Variants in ATRX observed in about 807,000 individuals in gnomAD.
The protein encoded by ATRX is ATRX chromatin remodeler.
Under a neutral mutation model 172.6 loss-of-function variants are expected in ATRX, and 12 were observed. The ratio of observed to expected loss-of-function variants is 0.07; its 90% CI spans 0.04 to 0.11. The LOEUF is 0.11. Among genes scored for constraint, ATRX ranks in the 10% least tolerant of loss-of-function variants. ATRX has a pLI of 1.00. For synonymous variants in ATRX, 674 were observed against 594.7 expected (o/e 1.13, Z -1.94); for missense variants, 1,368 against 1,767.4 (o/e 0.77, Z 4.05).
At chrX:77,607,903 T>C (rs144787411) in intron 22 of ATRX, among the ~76,000 whole-genome samples, 1,229 of 109,890 alleles carry the variant, frequency 0.011, 17 homozygotes, top group African/African-American at 0.039. Flanking sequence ...ATGAAATAAA[T>C]ACCAATGATA....
At chrX:77,598,213 A>G (rs991631974) in intron 25 of ATRX, among the ~76,000 whole-genome samples, 1 of 111,162 alleles carries the variant, frequency 9.0e-6, no homozygotes, top group Non-Finnish European at 1.9e-5. Flanking sequence ...GTGTTCTTAC[A>G]TATAAGTAAG....
intron 15 of ATRX, among the ~76,000 whole-genome samples, chrX:77,649,164 GAAAGAAAGAA>G (rs1253313787): frequency 9.2e-6 from 1 of 109,177 alleles, no homozygotes; most frequent in Admixed American, 9.9e-5. Context: ...ACCCTATCTT[GAAAGAAAGAA>G]AAAGAAAGAA....
chrX:77,653,004 T>TAA (rs554448289), intron 14 of ATRX, among the ~76,000 whole-genome samples: 35 of 68,992 alleles, frequency 5.1e-4, no homozygotes, highest in African/African-American at 1.4e-3. Context: ...TGTTTCTTGT[T>TAA]AAAAAAAAAA....
chrX:77,730,979 G>C (rs782455790), intron 1 of ATRX, among the ~76,000 whole-genome samples: 1 of 108,525 alleles, frequency 9.2e-6, no homozygotes, highest in Admixed American at 1.0e-4. Flanking sequence ...AAAGATCAGA[G>C]TGAAGCAAAC....
chrX:77,727,510 G>T (rs2148798414), intron 1 of ATRX, among the ~76,000 whole-genome samples: 1 of 111,451 alleles, frequency 9.0e-6, no homozygotes, highest in Non-Finnish European at 1.9e-5. Flanking sequence ...ATAAAAAAAG[G>T]ATCAGTTCAT....
At position 77,533,034 on chromosome X, in the gene ATRX, A is replaced by G. The variant is rs782056006; in HGVS notation, c.6700-9633T>C. Reference sequence around the variant, plus strand: ...CACACTTGTAGCCTATAAACATATGAAAAAAAGCTCATCATCACTGATCGT... The same window carrying G: ...CACACTTGTAGCCTATAAACATATGGAAAAAAGCTCATCATCACTGATCGT... On this transcript the variant is annotated intron_variant, in intron 30 of 34. Transcript: ENST00000373344. Among the ~76,000 whole-genome samples, 6 of 112,637 alleles carry G rather than the reference A, an allele frequency of 5.3e-5. No individual in the cohort carries two copies. In the East Asian group the frequency reaches 1.7e-3, roughly 31 times the overall value.
intron 34 of ATRX, among the ~76,000 whole-genome samples, chrX:77,519,739 C>T (rs1350593459): frequency 8.1e-5 from 9 of 111,541 alleles, no homozygotes; most frequent in African/African-American, 2.6e-4. Context: ...CTATGGAGAA[C>T]GGTTTGGAGG....
chrX:77,659,851 T>C (rs1449613616), intron 12 of ATRX, among the ~76,000 whole-genome samples: 1 of 111,566 alleles, frequency 9.0e-6, no homozygotes, highest in African/African-American at 3.3e-5. Context: ...CAATTCAAAT[T>C]TCCAAATAAT....
At chrX:77,757,748 T>A (rs1342166310) in intron 1 of ATRX, among the ~76,000 whole-genome samples, 2 of 107,998 alleles carry the variant, frequency 1.9e-5, no homozygotes, top group Non-Finnish European at 3.8e-5. Flanking sequence ...CTCAGCTCAC[T>A]GCAACCTCCA....
chrX:77,665,187 C>T (rs2070165555), intron 10 of ATRX, among the ~76,000 whole-genome samples: 1 of 112,026 alleles, frequency 8.9e-6, no homozygotes, highest in Non-Finnish European at 1.9e-5. Flanking sequence ...TAAAACTCCA[C>T]GAGAGGTTTT....
intron 19 of ATRX, among the ~76,000 whole-genome samples, chrX:77,621,875 A>C: frequency 9.5e-6 from 1 of 104,828 alleles, no homozygotes; most frequent in South Asian, 4.0e-4. Context: ...ACAAAAAAAA[A>C]CTAATATTTT....
At chrX:77,640,897 T>C (rs2068621656) in intron 15 of ATRX, among the ~76,000 whole-genome samples, 1 of 111,314 alleles carries the variant, frequency 9.0e-6, no homozygotes, top group African/African-American at 3.3e-5. Context: ...AGTGAAACTT[T>C]GTGAGGCCAG....
At chrX:77,718,160 AT>A (rs1158282180) in intron 1 of ATRX, among the ~76,000 whole-genome samples, 4 of 110,413 alleles carry the variant, frequency 3.6e-5, no homozygotes, top group Non-Finnish European at 7.5e-5. Context: ...ATTTAAAAAA[AT>A]AATTCAGTAA....
intron 30 of ATRX, among the ~76,000 whole-genome samples, chrX:77,543,093 A>G (rs2064077311): frequency 8.9e-6 from 1 of 112,305 alleles, no homozygotes; most frequent in African/African-American, 3.2e-5. Flanking sequence ...CGGAATCTAC[A>G]AAGAATTTAA....
At position 77,716,126 on chromosome X, in the gene ATRX, TTTTTTTTTTTTTTTTTTTTG is replaced by T. The variant is rs1236005234; in HGVS notation, c.133+985_133+1004del. Among the ~76,000 whole-genome samples, 215 of 24,992 alleles carry T rather than the reference TTTTTTTTTTTTTTTTTTTTG, an allele frequency of 8.6e-3. 3 individuals are homozygous for T. Among genetic ancestry groups the T allele is most frequent in the Admixed American group, 0.019 (26 of 1,347 alleles). 21.7% of individuals were successfully genotyped at this position (24,992 alleles called of 115,157 possible). A position where few individuals can be genotyped will look rare whatever the true frequency, so the allele number is the denominator to read the frequency against. ...TCTCTAAAAATTTTTTTTTTTTTTT[TTTTTTTTTTTTTTTTTTTTG>T]AAATTAACCAGGCATGGTGGCACAC... On this transcript the variant is annotated intron_variant, in intron 2 of 34. Coordinates refer to ENST00000373344, the MANE Select transcript of ATRX (RefSeq NM_000489.6).
chrX:77,707,955 T>A (rs901444704), intron 2 of ATRX, among the ~76,000 whole-genome samples: 6 of 112,105 alleles, frequency 5.4e-5, no homozygotes, highest in African/African-American at 2.0e-4. Context: ...CGTGAAGAAC[T>A]CACAATCTTT....
Position 77,746,110 on chromosome X carries a change from G to A in ATRX, c.21-28867C>T, listed in dbSNP as rs185582873. Among the ~76,000 whole-genome samples the A allele has an allele frequency of 3.0e-3, 330 of 111,141 alleles. 5 individuals carry two copies. Among genetic ancestry groups the A allele is most frequent in the Non-Finnish European group, 3.5e-3 (185 of 53,051 alleles). ...TGCTGAAAAATGTGTACACATGGACGTAGAGCATGGAATGATAGATAACAG... is the reference window on the plus strand; with the variant it reads ...TGCTGAAAAATGTGTACACATGGACATAGAGCATGGAATGATAGATAACAG... On this transcript the variant is annotated intron_variant, in intron 1 of 34. Transcript: ENST00000373344.
intron 22 of ATRX, among the ~76,000 whole-genome samples, chrX:77,605,836 C>T (rs1311177271): frequency 1.8e-5 from 2 of 110,568 alleles, no homozygotes; most frequent in African/African-American, 6.6e-5. Context: ...AAGATAAACT[C>T]AACAAACTTT....
chrX:77,701,824 G>A (rs1477922848), intron 2 of ATRX, among the ~76,000 whole-genome samples: 1 of 112,196 alleles, frequency 8.9e-6, no homozygotes, highest in Non-Finnish European at 1.9e-5. Context: ...CCAGCACTTT[G>A]GGAGGCTGAG....
Sources: allele counts gnomAD v4.1 joint callset (sites outside exome capture counted in the v4.1 genomes callset), GRCh38; gene constraint gnomAD v4.1.1; transcripts MANE v1.5; gene names NCBI Gene and HGNC (gene_info 2026-07-23, HGNC 2026-07-21).